SGCD: variants seen among roughly 807,000 people sequenced by gnomAD.
SGCD encodes the protein delta-sarcoglycan.
Under a neutral mutation model 36.6 loss-of-function variants are expected in SGCD, and 18 were observed. The observed-to-expected ratio is 0.49, with a 90% confidence interval of 0.34 to 0.73. SGCD has a LOEUF of 0.73. Among genes scored for constraint, SGCD ranks in the 30% least tolerant of loss-of-function variants. The pLI is 0.01. For missense variants in SGCD, 387 were observed against 346.7 expected (o/e 1.12, Z -0.92); for synonymous variants, 133 against 130.6 (o/e 1.02, Z -0.12).
the SGCD span, among the ~76,000 whole-genome samples, chr5:155,756,604 C>A: frequency 0.072 from 10,953 of 152,224 alleles, 476 homozygotes; most frequent in African/African-American, 0.11. Context: ...CAGTCCCTAG[C>A]ACATAGTGAA....
chr5:156,132,200 A>C (rs976706699), intron 3 of SGCD, among the ~76,000 whole-genome samples: 3 of 151,576 alleles, frequency 2.0e-5, no homozygotes, highest in South Asian at 4.2e-4. Context: ...TGGAAGAATA[A>C]TTTTTCAGGT....
intron 7 of SGCD, among the ~76,000 whole-genome samples, chr5:156,668,885 C>T (rs893141109): frequency 5.3e-5 from 8 of 152,118 alleles, no homozygotes; most frequent in Non-Finnish European, 7.4e-5. Context: ...AGCAAAGGGT[C>T]ATTGCATATT....
chr5:156,214,904 A>G lies in SGCD; in HGVS notation c.-44+90885A>G, dbSNP rs1358066635. Among the ~76,000 whole-genome samples, 5 of 152,214 alleles carry G rather than the reference A, an allele frequency of 3.3e-5. No homozygotes were observed. The East Asian group carries it at 9.6e-4, about 29-fold the overall frequency. ...TAAATGGATATCCACATGTAGAAGA[A>G]TGGAATTAGACCCTCATCTTACATC... On this transcript the variant is annotated intron_variant, in intron 3 of 9. Coordinates refer to the SGCD transcript ENST00000517913.
At chr5:156,750,589 T>G (rs1479451931) in intron 7 of SGCD, among the ~76,000 whole-genome samples, 2 of 150,274 alleles carry the variant, frequency 1.3e-5, no homozygotes, top group African/African-American at 2.5e-5. Context: ...GAGGCTGTAG[T>G]AAGCCAAGAT....
At chr5:155,859,197 G>A in the SGCD span, among the ~76,000 whole-genome samples, 166 of 151,992 alleles carry the variant, frequency 1.1e-3, no homozygotes, top group African/African-American at 3.9e-3. Flanking sequence ...AGGACTACAG[G>A]CATGTGCCAC....
intron 6 of SGCD, among the ~76,000 whole-genome samples, chr5:156,635,615 G>C (rs1035906065): frequency 6.6e-6 from 1 of 152,058 alleles, no homozygotes; most frequent in Admixed American, 6.6e-5. Flanking sequence ...ATTCACAATA[G>C]CAAAGACTTG....
intron 7 of SGCD, among the ~76,000 whole-genome samples, chr5:156,655,980 TG>T (rs1763657464): frequency 1.3e-5 from 2 of 152,086 alleles, no homozygotes; most frequent in Admixed American, 6.6e-5. Flanking sequence ...TCCTTTCAAC[TG>T]TAAAGTTTCC....
At chr5:156,758,967 C>G (rs1372420317) in intron 8 of SGCD, among the ~76,000 whole-genome samples, 1 of 152,176 alleles carries the variant, frequency 6.6e-6, no homozygotes, top group Non-Finnish European at 1.5e-5. Flanking sequence ...TATTTACATT[C>G]TGTATGACAT....
chr5:155,827,415 A>G, the SGCD span, among the ~76,000 whole-genome samples: 2 of 152,146 alleles, frequency 1.3e-5, no homozygotes, highest in Admixed American at 1.3e-4. Flanking sequence ...CTCATCTCAG[A>G]GTAGCCTCAT....
intron 3 of SGCD, among the ~76,000 whole-genome samples, chr5:156,239,283 C>T (rs1387871004): frequency 1.3e-5 from 2 of 151,356 alleles, no homozygotes; most frequent in African/African-American, 2.4e-5. Context: ...GCCTGTAATC[C>T]CAGCTACTCA....
At chr5:156,145,099 T>C (rs1246587651) in intron 3 of SGCD, among the ~76,000 whole-genome samples, 1 of 152,072 alleles carries the variant, frequency 6.6e-6, no homozygotes, top group Non-Finnish European at 1.5e-5. Flanking sequence ...GTGTTGGAGG[T>C]GGGGCCTGAT....
chr5:156,024,302 G>A (rs192425211), intron 1 of SGCD, among the ~76,000 whole-genome samples: 6 of 151,264 alleles, frequency 4.0e-5, no homozygotes, highest in South Asian at 2.1e-4. Flanking sequence ...TTGAAAATGT[G>A]GCTTATCTTG....
At chr5:155,763,135 A>G in the SGCD span, among the ~76,000 whole-genome samples, 2 of 152,202 alleles carry the variant, frequency 1.3e-5, no homozygotes, top group African/African-American at 4.8e-5. Context: ...ATTGGGATTA[A>G]AACCATTGTA....
chr5:156,062,575 C>T (rs1248132893), intron 1 of SGCD, among the ~76,000 whole-genome samples: 4 of 83,374 alleles, frequency 4.8e-5, no homozygotes, highest in Admixed American at 2.3e-4. Context: ...CCTATTTCTC[C>T]GCATCCTCTC....
At chr5:156,142,137 G>T (rs6880666) in intron 3 of SGCD, among the ~76,000 whole-genome samples, 9,427 of 152,130 alleles carry the variant, frequency 0.062, 654 homozygotes, top group East Asian at 0.14. Flanking sequence ...TTGTTTAAAA[G>T]TGTGTAGCAC....
intron 7 of SGCD, among the ~76,000 whole-genome samples, chr5:156,676,517 T>C (rs895864242): frequency 2.0e-5 from 3 of 152,120 alleles, no homozygotes; most frequent in African/African-American, 7.2e-5. Context: ...TTCAGGGGCT[T>C]TCTGGGGCGG....
chr5:156,505,966 A>G (rs1756676625), intron 3 of SGCD, among the ~76,000 whole-genome samples: 1 of 152,228 alleles, frequency 6.6e-6, no homozygotes, highest in African/African-American at 2.4e-5. Context: ...AATGAGAAGA[A>G]AAATTGAAAC....
the SGCD span, among the ~76,000 whole-genome samples, chr5:155,840,818 C>T: frequency 1.3e-5 from 2 of 151,412 alleles, no homozygotes; most frequent in African/African-American, 4.9e-5. Flanking sequence ...TCAAGACCAG[C>T]CTGATCAACA....
chr5:156,608,545 A>C (rs1216242526), intron 6 of SGCD, among the ~76,000 whole-genome samples: 1 of 152,204 alleles, frequency 6.6e-6, no homozygotes, highest in Non-Finnish European at 1.5e-5. Flanking sequence ...AGAGTTCTGT[A>C]GATGTCTATC....
Sources: gnomAD v4.1 joint callset for allele counts (sites outside exome capture counted in the v4.1 genomes callset) on GRCh38, gnomAD v4.1.1 for gene constraint, MANE v1.5 for transcripts, NCBI Gene and HGNC (gene_info 2026-07-23, HGNC 2026-07-21) for gene names.